MSRA: variants seen among roughly 807,000 people sequenced by gnomAD.
The protein encoded by MSRA is methionine sulfoxide reductase A, also known as mitochondrial peptide methionine sulfoxide reductase.
A neutral mutation model predicts 31.3 loss-of-function variants in MSRA; 54 were observed. The observed-to-expected ratio is 1.73, with a 90% confidence interval of 1.39 to 2.17. The LOEUF is 2.17. MSRA is among the 30% of genes most tolerant of loss of function. The pLI, the probability that MSRA is intolerant of heterozygous loss-of-function variation, is 0.00. For synonymous variants in MSRA, 169 were observed against 116.5 expected, an observed-to-expected ratio of 1.45 and a Z score of -2.90; for missense variants, 507 against 300.9, an observed-to-expected ratio of 1.69 and a Z score of -5.07.
At chr8:10,284,422 C>T (rs1001693040) in intron 3 of MSRA, among the ~76,000 whole-genome samples, 1 of 152,100 alleles carries the variant, frequency 6.6e-6, no homozygotes, top group African/African-American at 2.4e-5. Context: ...TCAAACTCCT[C>T]ACCTCAAGTG....
chr8:10,228,607 C>A (rs1811199701), intron 2 of MSRA, among the ~76,000 whole-genome samples: 2 of 152,156 alleles, frequency 1.3e-5, no homozygotes, highest in South Asian at 4.1e-4. Flanking sequence ...CCACAGAGAC[C>A]AGCTTCTGAC....
chr8:10,144,365 C>G (rs557193949), intron 1 of MSRA, among the ~76,000 whole-genome samples: 27 of 151,718 alleles, frequency 1.8e-4, no homozygotes, highest in Non-Finnish European at 3.5e-4. Flanking sequence ...TTGAACCTCT[C>G]TGAGTTTCAG....
chr8:10,133,812 T>C (rs941555678), intron 1 of MSRA, among the ~76,000 whole-genome samples: 3 of 152,200 alleles, frequency 2.0e-5, no homozygotes, highest in Middle Eastern at 3.4e-3. Flanking sequence ...TTGGATCCTA[T>C]GGTTTTTTTT....
chr8:10,260,455 C>G (rs770682205), intron 3 of MSRA, among the ~76,000 whole-genome samples: 12 of 152,120 alleles, frequency 7.9e-5, no homozygotes, highest in Non-Finnish European at 1.6e-4. Flanking sequence ...ACGACTCTAG[C>G]GGCACACGTA....
intron 5 of MSRA, among the ~76,000 whole-genome samples, chr8:10,418,815 T>TAAAAAAA (rs71203323): frequency 3.8e-4 from 25 of 65,922 alleles, no homozygotes; most frequent in East Asian, 2.4e-3. Flanking sequence ...TTACTACGAC[T>TAAAAAAA]AAAAAAAAAA....
chr8:10,221,226 A>G (rs983897372), intron 2 of MSRA, among the ~76,000 whole-genome samples: 1 of 152,198 alleles, frequency 6.6e-6, no homozygotes, highest in Non-Finnish European at 1.5e-5. Flanking sequence ...ATGACCAGAC[A>G]TCTGCACCAA....
At chr8:10,066,137 C>T (rs1430224221) in intron 1 of MSRA, among the ~76,000 whole-genome samples, 3 of 152,166 alleles carry the variant, frequency 2.0e-5, no homozygotes, top group Non-Finnish European at 4.4e-5. Flanking sequence ...ATTCTCCATA[C>T]CTCAGCCTCT....
chr8:10,113,728 T>C (rs1229161570), intron 1 of MSRA, among the ~76,000 whole-genome samples: 1 of 151,866 alleles, frequency 6.6e-6, no homozygotes, highest in Non-Finnish European at 1.5e-5. Context: ...TTCAGGAGAT[T>C]GTGCATTGAA....
chr8:10,190,688 C>T (rs756582590), intron 1 of MSRA, among the ~76,000 whole-genome samples: 15 of 152,178 alleles, frequency 9.9e-5, no homozygotes, highest in South Asian at 2.1e-4. Context: ...TTTCCATTAA[C>T]CTACTGTGTG....
intron 1 of MSRA, among the ~76,000 whole-genome samples, chr8:10,199,964 C>T (rs1808353854): frequency 6.6e-6 from 1 of 152,188 alleles, no homozygotes; most frequent in Admixed American, 6.5e-5. Context: ...CCAGCTTATG[C>T]CTCACCAAGG....
intron 1 of MSRA, among the ~76,000 whole-genome samples, chr8:10,168,941 A>T (rs1200129605): frequency 6.6e-6 from 1 of 151,880 alleles, no homozygotes; most frequent in African/African-American, 2.4e-5. Context: ...GATACTCATG[A>T]TATAAAGATT....
At chr8:10,342,898 T>C (rs1226032481) in intron 5 of MSRA, among the ~76,000 whole-genome samples, 2 of 152,218 alleles carry the variant, frequency 1.3e-5, no homozygotes, top group Non-Finnish European at 2.9e-5. Flanking sequence ...GTGTCTTAAC[T>C]TCTCTGGCCT....
intron 5 of MSRA, among the ~76,000 whole-genome samples, chr8:10,334,419 C>G (rs1200321654): frequency 6.6e-6 from 1 of 151,850 alleles, no homozygotes; most frequent in Non-Finnish European, 1.5e-5. Context: ...GTGATAGGAT[C>G]AGAGAAACTA....
chr8:10,089,710 A>C (rs912294236), intron 1 of MSRA, among the ~76,000 whole-genome samples: 1 of 152,172 alleles, frequency 6.6e-6, no homozygotes, highest in Non-Finnish European at 1.5e-5. Context: ...TCCGGTGAGG[A>C]CCTTTGTGCT....
rs143316268 is a variant in MSRA at position 10,350,491 on chromosome 8, G to A, written c.543+30502G>A. Among the ~76,000 whole-genome samples, 523 of 152,338 alleles carry A rather than the reference G, an allele frequency of 3.4e-3. 2 individuals are homozygous for A. Among genetic ancestry groups the A allele is most frequent in the African/African-American group, 0.011 (449 of 41,586 alleles). On this transcript the variant is annotated intron_variant, in intron 5 of 5. Transcript: ENST00000317173. ...GGCCCTATAAAGCCCTTCCTACTCT[G>A]ACATCCAGTGAATCTACTATTAAGA...
intron 1 of MSRA, among the ~76,000 whole-genome samples, chr8:10,160,366 G>A (rs1804526486): frequency 6.6e-6 from 1 of 151,966 alleles, no homozygotes; most frequent in East Asian, 2.0e-4. Context: ...GTGGTGGTGG[G>A]CCCCTGTAGT....
At chr8:10,360,938 CT>C (rs914177973) in intron 5 of MSRA, among the ~76,000 whole-genome samples, 1 of 152,226 alleles carries the variant, frequency 6.6e-6, no homozygotes, top group African/African-American at 2.4e-5. Flanking sequence ...CTCCCAGTAC[CT>C]TTATCTCTTA....
At chr8:10,221,382 C>G (rs1309690422) in intron 2 of MSRA, among the ~76,000 whole-genome samples, 1 of 151,770 alleles carries the variant, frequency 6.6e-6, no homozygotes, top group Non-Finnish European at 1.5e-5. Flanking sequence ...CACCACCCAG[C>G]TTTTCCATGT....
At chr8:10,130,701 C>T (rs372713170) in intron 1 of MSRA, among the ~76,000 whole-genome samples, 12 of 152,114 alleles carry the variant, frequency 7.9e-5, no homozygotes, top group African/African-American at 1.9e-4. Flanking sequence ...AGTAATAGCA[C>T]GGGGCTCTAT....
Sources: allele counts gnomAD v4.1 joint callset (sites outside exome capture counted in the v4.1 genomes callset), GRCh38; gene constraint gnomAD v4.1.1; transcripts MANE v1.5; gene names NCBI Gene and HGNC (gene_info 2026-07-23, HGNC 2026-07-21).